The following CSGALNACT1 variants were observed in gnomAD, a reference collection of about 807,000 sequenced individuals.
CSGALNACT1 encodes the protein beta4GalNAcT-1.
A neutral mutation model predicts 51.0 loss-of-function variants in CSGALNACT1; 52 were observed. That is an observed-to-expected ratio of 1.02 (90% confidence interval 0.82 to 1.29). The LOEUF (loss-of-function observed/expected upper bound fraction) is 1.29. Among genes scored for constraint, CSGALNACT1 ranks in the 50% most tolerant of loss-of-function variants. CSGALNACT1 has a pLI of 0.00. For synonymous variants in CSGALNACT1, 341 were observed against 254.4 expected (o/e 1.34, Z -3.24); for missense variants, 935 against 679.2 (o/e 1.38, Z -4.19).
At chr8:19,666,873 G>GAA (rs1347286338) in intron 1 of CSGALNACT1, among the ~76,000 whole-genome samples, 3 of 130,908 alleles carry the variant, frequency 2.3e-5, no homozygotes, top group South Asian at 2.5e-4. Flanking sequence ...AAGAAAGAAA[G>GAA]AAAGAAAGAA....
At chr8:19,745,978 TG>T (rs1483893278) in intron 1 of CSGALNACT1, among the ~76,000 whole-genome samples, 1 of 152,158 alleles carries the variant, frequency 6.6e-6, no homozygotes, top group Admixed American at 6.5e-5. Context: ...ATGAATGGTC[TG>T]GGGTTTGCTC....
chr8:19,415,415 A>T (rs2056681924), intron 8 of CSGALNACT1, among the ~76,000 whole-genome samples: 2 of 152,210 alleles, frequency 1.3e-5, no homozygotes, highest in Admixed American at 1.3e-4. Context: ...ACTCTAAAAT[A>T]TCAGACTTCT....
upstream of CSGALNACT1, among the ~76,000 whole-genome samples, chr8:19,607,012 G>A (rs780009811): frequency 3.3e-4 from 50 of 152,042 alleles, no homozygotes; most frequent in Admixed American, 5.9e-4. Context: ...AAAATTAGCC[G>A]GGCATGGTGG....
chr8:19,706,949 G>A (rs1056665086), intron 1 of CSGALNACT1, among the ~76,000 whole-genome samples: 2 of 151,874 alleles, frequency 1.3e-5, no homozygotes, highest in African/African-American at 4.8e-5. Flanking sequence ...GATCAAAATC[G>A]ACACCAGGAC....
At chr8:19,506,448 C>T (rs191544193) in intron 3 of CSGALNACT1, among the ~76,000 whole-genome samples, 6 of 152,244 alleles carry the variant, frequency 3.9e-5, no homozygotes, top group Non-Finnish European at 7.3e-5. Context: ...TGCATAGTGG[C>T]GCAAGTCCTG....
intron 1 of CSGALNACT1, among the ~76,000 whole-genome samples, chr8:19,735,264 G>A (rs533453447): frequency 2.6e-5 from 4 of 152,242 alleles, no homozygotes; most frequent in African/African-American, 9.6e-5. Context: ...CACAGGTATA[G>A]GCTGAAATTG....
chr8:19,682,084 A>C (rs1281013473), intron 1 of CSGALNACT1, among the ~76,000 whole-genome samples: 1 of 152,176 alleles, frequency 6.6e-6, no homozygotes, highest in Non-Finnish European at 1.5e-5. Context: ...GAGGAGTCTG[A>C]GAATTCTACA....
chr8:19,580,284 G>A (rs2045276488), intron 3 of CSGALNACT1, among the ~76,000 whole-genome samples: 1 of 152,214 alleles, frequency 6.6e-6, no homozygotes, highest in African/African-American at 2.4e-5. Context: ...CCAAAGCTGT[G>A]AGTTGTAAAA....
intron 4 of CSGALNACT1, among the ~76,000 whole-genome samples, chr8:19,473,879 G>A (rs2068776769): frequency 6.6e-6 from 1 of 152,126 alleles, no homozygotes; most frequent in Non-Finnish European, 1.5e-5. Flanking sequence ...TATAAGCCCA[G>A]AAAACAGGTC....
At chr8:19,549,502 T>A (rs534395055) in intron 3 of CSGALNACT1, among the ~76,000 whole-genome samples, 3 of 152,210 alleles carry the variant, frequency 2.0e-5, no homozygotes, top group Admixed American at 2.0e-4. Flanking sequence ...TCTTTTGTTT[T>A]TTTCCTCAGG....
chr8:19,561,596 G>C (rs1349014766), intron 3 of CSGALNACT1, among the ~76,000 whole-genome samples: 2 of 152,226 alleles, frequency 1.3e-5, no homozygotes, highest in East Asian at 1.9e-4. Context: ...CCTGCAGCAG[G>C]TGTGATGATT....
intron 1 of CSGALNACT1, among the ~76,000 whole-genome samples, chr8:19,645,973 AAG>A (rs1309860558): frequency 2.6e-5 from 4 of 152,214 alleles, no homozygotes; most frequent in African/African-American, 9.6e-5. Flanking sequence ...ACGCCCTCCA[AAG>A]AGAGGGAAAA....
At chr8:19,404,887 A>G (rs1180069194) in exon 10 of CSGALNACT1, 3 of 454,480 alleles carry the variant, frequency 6.6e-6, no homozygotes, top group South Asian at 1.6e-5. Context: ...AATACTCTTC[A>G]GAGAAAGTAT....
chr8:19,654,746 T>C (rs916480477), intron 1 of CSGALNACT1, among the ~76,000 whole-genome samples: 2 of 152,064 alleles, frequency 1.3e-5, no homozygotes, highest in African/African-American at 4.8e-5. Context: ...GGTTTTGCTA[T>C]GTTGCCCCGG....
At chr8:19,408,339 T>C (rs1459213735) in intron 9 of CSGALNACT1, among the ~76,000 whole-genome samples, 3 of 152,032 alleles carry the variant, frequency 2.0e-5, no homozygotes, top group Non-Finnish European at 4.4e-5. Flanking sequence ...TTTGGAGTGA[T>C]TCTCTTTAGG....
intron 3 of CSGALNACT1, among the ~76,000 whole-genome samples, chr8:19,553,918 C>CACAA (rs2154085884): frequency 6.6e-6 from 1 of 151,692 alleles, no homozygotes; most frequent in South Asian, 2.1e-4. Flanking sequence ...CACACACACA[C>CACAA]ACACACACCC....
intron 1 of CSGALNACT1, among the ~76,000 whole-genome samples, chr8:19,755,977 C>T (rs1382732499): frequency 1.3e-5 from 2 of 152,304 alleles, no homozygotes; most frequent in African/African-American, 4.8e-5. Flanking sequence ...ACCTAGTCCC[C>T]TGTGTATTAT....
intron 1 of CSGALNACT1, among the ~76,000 whole-genome samples, chr8:19,628,842 G>A (rs1426044382): frequency 1.3e-5 from 2 of 152,018 alleles, no homozygotes; most frequent in Non-Finnish European, 2.9e-5. Context: ...GGTCAGGATA[G>A]GAGTCAACAA....
chr8:19,661,902 G>C (rs1367587716), intron 1 of CSGALNACT1, among the ~76,000 whole-genome samples: 1 of 152,020 alleles, frequency 6.6e-6, no homozygotes, highest in Non-Finnish European at 1.5e-5. Context: ...AACTTATTTT[G>C]ACCAAGACTT....
Sources: allele counts gnomAD v4.1 joint callset (sites outside exome capture counted in the v4.1 genomes callset), GRCh38; gene constraint gnomAD v4.1.1; transcripts MANE v1.5; gene names NCBI Gene and HGNC (gene_info 2026-07-23, HGNC 2026-07-21).